Variants in TIAM1 observed in about 807,000 individuals in gnomAD.
TIAM1 encodes the protein TIAM Rac1 associated GEF 1.
In TIAM1, 65 loss-of-function variants were observed where a neutral mutation model predicts 163.5. That is an observed-to-expected ratio of 0.40 (90% CI 0.33 to 0.49). The LOEUF (loss-of-function observed/expected upper bound fraction) is 0.49, where lower values mean the gene tolerates loss of function less well. TIAM1 is among the 20% of genes least tolerant of loss of function. The pLI is 0.77. For synonymous variants in TIAM1, 833 were observed against 810.1 expected (o/e 1.03, Z -0.48); for missense variants, 1,789 against 2,044.7 (o/e 0.87, Z 2.41).
chr21:31,153,785 G>A (rs1014814372), intron 17 of TIAM1, among the ~76,000 whole-genome samples: 3 of 152,120 alleles, frequency 2.0e-5, no homozygotes, highest in Non-Finnish European at 4.4e-5. Flanking sequence ...AAGGCTGGGC[G>A]TGGTAGCTCT....
At chr21:31,380,282 C>A (rs564804849) in intron 2 of TIAM1, among the ~76,000 whole-genome samples, 4 of 151,830 alleles carry the variant, frequency 2.6e-5, no homozygotes, top group Non-Finnish European at 4.4e-5. Flanking sequence ...AAGTGGCTCA[C>A]GCTGTAATCC....
At chr21:31,246,936 T>C (rs1024114120) in intron 5 of TIAM1, among the ~76,000 whole-genome samples, 3 of 152,218 alleles carry the variant, frequency 2.0e-5, no homozygotes, top group South Asian at 2.1e-4. Context: ...CTTGTCTCCA[T>C]AATTTAGGAG....
chr21:31,323,287 C>CAA (rs761901697), intron 2 of TIAM1, among the ~76,000 whole-genome samples: 1 of 99,504 alleles, frequency 1.0e-5, no homozygotes, highest in Non-Finnish European at 2.1e-5. Context: ...GACTTTGATT[C>CAA]AAAAAAAAAA....
intron 23 of TIAM1, among the ~76,000 whole-genome samples, chr21:31,133,909 A>G (rs2082514807): frequency 6.6e-6 from 1 of 152,034 alleles, no homozygotes. Flanking sequence ...CTCTACTAAA[A>G]ACACAAAAAT....
intron 2 of TIAM1, among the ~76,000 whole-genome samples, chr21:31,431,673 G>C (rs1446285843): frequency 6.6e-6 from 1 of 152,126 alleles, no homozygotes; most frequent in African/African-American, 2.4e-5. Flanking sequence ...GTCACTTTAC[G>C]AACACTAGAG....
intron 2 of TIAM1, among the ~76,000 whole-genome samples, chr21:31,309,220 G>A (rs946217599): frequency 2.6e-5 from 4 of 152,210 alleles, no homozygotes; most frequent in Admixed American, 6.5e-5. Flanking sequence ...CACTTTGGGA[G>A]GCTGAGGTGG....
At chr21:31,209,244 C>T (rs1471141972) in intron 11 of TIAM1, among the ~76,000 whole-genome samples, 1 of 152,138 alleles carries the variant, frequency 6.6e-6, no homozygotes, top group Non-Finnish European at 1.5e-5. Flanking sequence ...AGGCTCAGAC[C>T]TGATACGACT....
At chr21:31,195,403 T>TA (rs2085795894) in intron 12 of TIAM1, 98 bp from the exon 13 acceptor site, 1 of 843,002 alleles carries the variant, frequency 1.2e-6, no homozygotes, top group Non-Finnish European at 1.9e-6. Context: ...AATTGATACT[T>TA]ACGTGAATTT....
At chr21:31,195,007 A>C (rs1239001444) in intron 13 of TIAM1, among the ~76,000 whole-genome samples, 1 of 152,242 alleles carries the variant, frequency 6.6e-6, no homozygotes, top group Non-Finnish European at 1.5e-5. Flanking sequence ...GTAGAATCCC[A>C]GTAATTAAAG....
At chr21:31,167,088 CT>C (rs72031739) in intron 15 of TIAM1, among the ~76,000 whole-genome samples, 1,375 of 125,068 alleles carry the variant, frequency 0.011, 4 homozygotes, top group African/African-American at 0.031. Flanking sequence ...AAAGGATTTC[CT>C]TTTTTTTTTT....
chr21:31,382,339 G>A (rs529534547), intron 2 of TIAM1, among the ~76,000 whole-genome samples: 3 of 152,328 alleles, frequency 2.0e-5, no homozygotes, highest in African/African-American at 4.8e-5. Context: ...GATTTACGCC[G>A]TGTCTAGAAC....
In TIAM1 at chr21:31,395,253, G is replaced by A. The variant is rs1375111453; in HGVS notation, c.-368-55831C>T. Among the ~76,000 whole-genome samples, 2 of 151,136 alleles carry A rather than the reference G, an allele frequency of 1.3e-5. No individual in the cohort carries two copies. Among genetic ancestry groups the A allele is most frequent in the Admixed American group, 1.3e-4 (2 of 15,170 alleles). The stretch of plus-strand genomic sequence containing the variant: ...ACTCTGTCTCAAAAAAAAAAAAGAG[G>A]AGGTGGGGGGAGAACAAAACTAGTA... On this transcript the variant is annotated intron_variant, in intron 2 of 28. Coordinates refer to the TIAM1 transcript ENST00000286827. The surrounding 1 kb of genome is among the most constrained non-coding windows in gnomAD (Gnocchi z 7.5).
intron 15 of TIAM1, among the ~76,000 whole-genome samples, chr21:31,180,657 T>C (rs996031961): frequency 3.3e-5 from 5 of 152,368 alleles, no homozygotes; most frequent in South Asian, 4.1e-4. Flanking sequence ...TAATCTAACA[T>C]AATATGTCTC....
intron 2 of TIAM1, among the ~76,000 whole-genome samples, chr21:31,399,466 T>G (rs1216817197): frequency 6.6e-6 from 1 of 152,224 alleles, no homozygotes; most frequent in Non-Finnish European, 1.5e-5. Flanking sequence ...GAAAGGAAAT[T>G]GCTTCTTCAG....
intron 14 of TIAM1, among the ~76,000 whole-genome samples, chr21:31,185,313 GGATA>G (rs1209664595): frequency 6.7e-6 from 1 of 149,658 alleles, no homozygotes; most frequent in African/African-American, 2.5e-5. Flanking sequence ...TTGGAAATAG[GGATA>G]GATATATATC....
intron 2 of TIAM1, among the ~76,000 whole-genome samples, chr21:31,285,579 G>A (rs567699087): frequency 9.0e-4 from 137 of 152,256 alleles, no homozygotes; most frequent in Middle Eastern, 6.8e-3. Flanking sequence ...GAGATTTCAC[G>A]CCAGGCATGG....
chr21:31,526,538 CT>C (rs34839201), intron 1 of TIAM1, among the ~76,000 whole-genome samples: 1 of 152,118 alleles, frequency 6.6e-6, no homozygotes, highest in Non-Finnish European at 1.5e-5. Context: ...AGGAAACTCC[CT>C]TTTTTTCTAA....
chr21:31,163,646 G>C (rs1441385421), intron 16 of TIAM1, among the ~76,000 whole-genome samples: 1 of 152,186 alleles, frequency 6.6e-6, no homozygotes, highest in East Asian at 1.9e-4. Flanking sequence ...CACATACAGG[G>C]GGAATCAAAA....
intron 2 of TIAM1, among the ~76,000 whole-genome samples, chr21:31,437,494 C>A (rs1194095465): frequency 1.0e-5 from 1 of 97,214 alleles, no homozygotes; most frequent in Non-Finnish European, 1.8e-5. Flanking sequence ...CAGAGAGAGA[C>A]CCTGTCTCAA....
Sources: gnomAD v4.1 joint callset for allele counts (sites outside exome capture counted in the v4.1 genomes callset) on GRCh38, gnomAD v4.1.1 for gene constraint, Gnocchi (gnomAD v3.1) non-coding constraint, MANE v1.5 for transcripts, NCBI Gene and HGNC (gene_info 2026-07-23, HGNC 2026-07-21) for gene names.